MYO3A: variants seen among roughly 807,000 people sequenced by gnomAD.
The protein encoded by MYO3A is myosin IIIA, also known as myosin-IIIa.
In MYO3A, 180 loss-of-function variants were observed where a neutral mutation model predicts 192.7. The ratio of observed to expected loss-of-function variants is 0.93; its 90% CI spans 0.83 to 1.06. The LOEUF (loss-of-function observed/expected upper bound fraction) is 1.06. Ranked by LOEUF, MYO3A falls within the 50% of genes least tolerant of loss-of-function variation. The pLI is 0.00. For missense variants in MYO3A, 1,896 were observed against 1,905.0 expected (o/e 1.00, Z 0.09); for synonymous variants, 628 against 645.3 (o/e 0.97, Z 0.41).
chr10:26,005,818 G>T (rs1841163697), intron 6 of MYO3A, among the ~76,000 whole-genome samples: 1 of 151,968 alleles, frequency 6.6e-6, no homozygotes, highest in Non-Finnish European at 1.5e-5. Flanking sequence ...TTAAAAGCTG[G>T]CAGAGTTTTC....
At chr10:26,101,552 G>A (rs146882688) in intron 17 of MYO3A, among the ~76,000 whole-genome samples, 73,046 of 151,906 alleles carry the variant, frequency 0.48, 18,271 homozygotes, top group Middle Eastern at 0.59. Context: ...TCCTTTCCAC[G>A]TTTAGTGCTT....
chr10:26,188,887 G>T (rs1212470607), intron 31 of MYO3A, among the ~76,000 whole-genome samples: 1 of 152,184 alleles, frequency 6.6e-6, no homozygotes. Context: ...TTTGGTTACT[G>T]CAGCCTTGTA....
In MYO3A at chr10:26,152,453, T is replaced by C. The variant is rs17814245; in HGVS notation, c.2636-1397T>C. On this transcript the variant is annotated intron_variant, in intron 23 of 34. Coordinates refer to ENST00000642920, the MANE Select transcript of MYO3A (RefSeq NM_017433.5). ...TTCTTCAATTCTATATTATGATGTCTTCAAGATTCTAAAATAACCATGGCC... is the reference window on the plus strand; with the variant it reads ...TTCTTCAATTCTATATTATGATGTCCTCAAGATTCTAAAATAACCATGGCC... Among the ~76,000 whole-genome samples the C allele has an allele frequency of 5.1e-4, 78 of 152,306 alleles. 1 individual carries two copies. In the East Asian group the frequency reaches 0.013, roughly 26 times the overall value.
chr10:26,009,821 G>C (rs550221896), intron 6 of MYO3A, among the ~76,000 whole-genome samples: 1 of 152,302 alleles, frequency 6.6e-6, no homozygotes, highest in African/African-American at 2.4e-5. Context: ...TTAGTCTGCA[G>C]CTCTAAAATT....
In MYO3A at chr10:25,991,305, C is replaced by T. The variant is rs190942335; in HGVS notation, c.304-5185C>T. ...TTCATGTGTCTGTTGGCTGCATAAA[C>T]GTCTTCTTTTGAGAAATGTCTGTTC... On this transcript the variant is annotated intron_variant, in intron 4 of 34. Coordinates refer to ENST00000642920, the MANE Select transcript of MYO3A (RefSeq NM_017433.5). Among the ~76,000 whole-genome samples, 1,353 of 152,296 alleles carry T rather than the reference C, an allele frequency of 8.9e-3. 12 individuals are homozygous for T. Among genetic ancestry groups the T allele is most frequent in the Middle Eastern group, 0.024 (7 of 294 alleles).
chr10:26,101,225 A>G (rs551268102), intron 17 of MYO3A, among the ~76,000 whole-genome samples: 1 of 151,736 alleles, frequency 6.6e-6, no homozygotes, highest in Admixed American at 6.6e-5. Context: ...CAACCCCTGC[A>G]TTTTTTTGTT....
chr10:26,095,139 G>A (rs1430545410), intron 15 of MYO3A, among the ~76,000 whole-genome samples: 1 of 152,282 alleles, frequency 6.6e-6, no homozygotes, highest in South Asian at 2.1e-4. Flanking sequence ...AGGAAGGGGA[G>A]TATCCACAAC....
At chr10:26,181,273 C>T (rs922778092) in intron 31 of MYO3A, among the ~76,000 whole-genome samples, 3 of 152,122 alleles carry the variant, frequency 2.0e-5, no homozygotes, top group African/African-American at 7.2e-5. Flanking sequence ...CCAAATGAAG[C>T]CAGATGCTAT....
intron 10 of MYO3A, among the ~76,000 whole-genome samples, chr10:26,039,207 A>ATTTTTTTTTTTTTTTTTT (rs34416918): frequency 4.7e-5 from 5 of 106,858 alleles, no homozygotes; most frequent in African/African-American, 3.9e-5. Context: ...GGCTCGGCTA[A>ATTTTTTTTTTTTTTTTTT]TTTTTTTTTT....
In MYO3A at chr10:26,174,448, C is replaced by T; in HGVS notation, c.4184C>T (p.Ser1395Phe). The change falls in exon 30 of 35, where the codon TCC becomes TTC. Residue 1395 changes from serine (S) to phenylalanine (F), a missense_variant. Transcript: ENST00000642920. ...EVARNTHNLY[S>F]YPTKHEEINN... ...GCAAGAAACACTCATAATTTGTATTCCTATCCCACAAAACATGAGGAAATC... is the reference window on the plus strand; with the variant it reads ...GCAAGAAACACTCATAATTTGTATTTCTATCCCACAAAACATGAGGAAATC... The T allele has an allele frequency of 1.2e-6, 2 of 1,614,128 alleles. No homozygotes were observed. Among genetic ancestry groups the T allele is most frequent in the African/African-American group, 2.7e-5 (2 of 75,042 alleles).
intron 26 of MYO3A, among the ~76,000 whole-genome samples, chr10:26,158,360 C>T (rs1208578703): frequency 6.7e-6 from 1 of 149,926 alleles, no homozygotes; most frequent in Non-Finnish European, 1.5e-5. Flanking sequence ...TCATGCCATT[C>T]TTCTGCCTCA....
At position 26,170,396 on chromosome 10, in the gene MYO3A, A is replaced by G. The variant is rs757243461; in HGVS notation, c.3275-20A>G. The G allele has an allele frequency of 2.5e-6, 4 of 1,612,130 alleles. No homozygotes were observed. The highest frequency in any genetic ancestry group is 1.7e-5 in the Admixed American group (1 of 59,946). ...TTATTTGTTTATAATTAACACTACTATGGGCTTTCTGTGTTTCAGCTGCAA... is the reference window on the plus strand; with the variant it reads ...TTATTTGTTTATAATTAACACTACTGTGGGCTTTCTGTGTTTCAGCTGCAA... On this transcript the variant is annotated intron_variant, in intron 28 of 34. Transcript: ENST00000642920.
intron 7 of MYO3A, among the ~76,000 whole-genome samples, chr10:26,019,242 TA>T (rs1564465273): frequency 2.2e-4 from 31 of 142,190 alleles, no homozygotes; most frequent in African/African-American, 8.0e-4. Flanking sequence ...TTTATTTATT[TA>T]TTTATTTATT....
At chr10:26,210,739 T>G (rs1037087364) in intron 34 of MYO3A, among the ~76,000 whole-genome samples, 5 of 152,182 alleles carry the variant, frequency 3.3e-5, no homozygotes, top group Admixed American at 2.0e-4. Context: ...TTCTCTCATC[T>G]CTTGCTATTT....
chr10:26,193,156 A>G (rs1564635940), intron 31 of MYO3A, 49 bp from the exon 32 acceptor site: 1 of 1,346,500 alleles, frequency 7.4e-7, no homozygotes. Context: ...ACATCACTTG[A>G]TAATAGTATT....
chr10:26,029,452 ATC>A (rs1286842919), intron 10 of MYO3A, among the ~76,000 whole-genome samples: 1 of 152,166 alleles, frequency 6.6e-6, no homozygotes, highest in African/African-American at 2.4e-5. Flanking sequence ...CCATTTATCA[ATC>A]TCTGCTATAT....
intron 4 of MYO3A, among the ~76,000 whole-genome samples, chr10:25,991,733 A>G (rs1201009517): frequency 5.9e-5 from 9 of 152,104 alleles, no homozygotes; most frequent in Non-Finnish European, 1.0e-4. Context: ...TCTACATATG[A>G]CTAGCCAGTT....
intron 4 of MYO3A, among the ~76,000 whole-genome samples, chr10:25,985,409 A>C (rs1839591205): frequency 6.6e-6 from 1 of 152,136 alleles, no homozygotes; most frequent in Non-Finnish European, 1.5e-5. Flanking sequence ...ACAAACAAAC[A>C]AAAACAACAG....
At chr10:26,159,113 C>A (rs1306410074) in intron 26 of MYO3A, among the ~76,000 whole-genome samples, 1 of 151,202 alleles carries the variant, frequency 6.6e-6, no homozygotes, top group Non-Finnish European at 1.5e-5. Flanking sequence ...GCCTCAGCCT[C>A]CTGAATAGCT....
Sources: gnomAD v4.1 joint callset for allele counts (sites outside exome capture counted in the v4.1 genomes callset) on GRCh38, gnomAD v4.1.1 for gene constraint, MANE v1.5 for transcripts, NCBI Gene and HGNC (gene_info 2026-07-23, HGNC 2026-07-21) for gene names.